Variants in FRS2 observed in about 807,000 individuals in gnomAD.
The protein encoded by FRS2 is FGFR signalling adaptor.
Under a neutral mutation model 43.9 loss-of-function variants are expected in FRS2, and 8 were observed. The observed-to-expected ratio is 0.18, with a 90% CI of 0.11 to 0.33. The LOEUF is 0.33. Ranked by LOEUF, FRS2 falls within the 10% of genes least tolerant of loss-of-function variation. The probability of loss-of-function intolerance (pLI) is 1.00; values close to 1 mark genes in which losing one functional copy is unlikely to be tolerated. For synonymous variants in FRS2, 219 were observed against 220.3 expected (o/e 0.99, Z 0.05); for missense variants, 534 against 627.6 (o/e 0.85, Z 1.59).
rs535329166 is a variant in FRS2 at position 69,552,158 on chromosome 12, C to T, written c.-121-10022C>T. ...TCTCTACTAAAAATACAAAATTATC[C>T]GGGCATGGTGGTGCATGCCTGTAAT... On this transcript the variant is annotated intron_variant, in intron 3 of 8. Transcript: ENST00000549921. Among the ~76,000 whole-genome samples, 4 of 151,754 alleles carry T rather than the reference C, an allele frequency of 2.6e-5. 1 individual carries two copies. The highest frequency in any genetic ancestry group is 7.3e-5 in the African/African-American group (3 of 41,360).
intron 1 of FRS2, among the ~76,000 whole-genome samples, chr12:69,497,224 G>A (rs150178922): frequency 6.6e-6 from 1 of 152,220 alleles, no homozygotes; most frequent in African/African-American, 2.4e-5. Flanking sequence ...GGTAATAAGC[G>A]CTATGAAGAA....
chr12:69,548,629 T>TTA (rs1827020141), intron 3 of FRS2, among the ~76,000 whole-genome samples: 1 of 152,186 alleles, frequency 6.6e-6, no homozygotes, highest in Non-Finnish European at 1.5e-5. Flanking sequence ...GCTGCTTAAA[T>TTA]CAGGGTTCTG....
At chr12:69,528,919 G>A (rs899311475) in intron 1 of FRS2, among the ~76,000 whole-genome samples, 1 of 152,156 alleles carries the variant, frequency 6.6e-6, no homozygotes, top group South Asian at 2.1e-4. Context: ...GAAGTGAGAA[G>A]GTGCTTGATA....
At chr12:69,564,759 A>G (rs1378171928) in intron 4 of FRS2, among the ~76,000 whole-genome samples, 1 of 152,218 alleles carries the variant, frequency 6.6e-6, no homozygotes, top group Admixed American at 6.6e-5. Context: ...ACTTAAATTT[A>G]TCATACATAT....
At chr12:69,569,197 T>C (rs1386510785) in intron 5 of FRS2, 101 bp downstream of exon 5, 3 of 635,010 alleles carry the variant, frequency 4.7e-6, no homozygotes, top group Non-Finnish European at 8.4e-6. Flanking sequence ...CACCAAACCT[T>C]TCTATTTCCC....
intron 3 of FRS2, among the ~76,000 whole-genome samples, chr12:69,532,629 TA>T (rs1876917257): frequency 1.3e-5 from 2 of 152,232 alleles, no homozygotes; most frequent in Non-Finnish European, 2.9e-5. Flanking sequence ...TCCCGTCTCT[TA>T]ATACTATCAC....
intron 1 of FRS2, among the ~76,000 whole-genome samples, chr12:69,476,959 T>G (rs566498816): frequency 6.6e-6 from 1 of 152,332 alleles, no homozygotes; most frequent in South Asian, 2.1e-4. Context: ...TCTGTTAATT[T>G]TAAAGAAAAC....
intron 1 of FRS2, among the ~76,000 whole-genome samples, chr12:69,521,647 G>C (rs887350263): frequency 6.6e-6 from 1 of 151,810 alleles, no homozygotes; most frequent in African/African-American, 2.4e-5. Context: ...ATGGAGTCTC[G>C]CTCTTTCACC....
intron 3 of FRS2, among the ~76,000 whole-genome samples, chr12:69,539,578 G>T (rs1877677033): frequency 6.6e-6 from 1 of 152,084 alleles, no homozygotes; most frequent in African/African-American, 2.4e-5. Flanking sequence ...GTGGTGTCAT[G>T]TTGGTGCTCA....
chr12:69,475,269 T>C (rs1306969291), intron 1 of FRS2, among the ~76,000 whole-genome samples: 2 of 152,254 alleles, frequency 1.3e-5, no homozygotes, highest in African/African-American at 4.8e-5. Context: ...TGAGAATTAA[T>C]ACATTCCTTT....
At chr12:69,570,993 C>G (rs1880706832) in intron 6 of FRS2, among the ~76,000 whole-genome samples, 1 of 152,180 alleles carries the variant, frequency 6.6e-6, no homozygotes, top group South Asian at 2.1e-4. Flanking sequence ...GTTGGGCTCC[C>G]CCTGCTGTTA....
At chr12:69,521,315 G>GT (rs1487688477) in intron 1 of FRS2, among the ~76,000 whole-genome samples, 1 of 152,168 alleles carries the variant, frequency 6.6e-6, no homozygotes, top group Non-Finnish European at 1.5e-5. Context: ...AGACTGTAGA[G>GT]TTTTCTAGAT....
At chr12:69,508,121 T>C (rs1400676160) in intron 1 of FRS2, among the ~76,000 whole-genome samples, 1 of 152,164 alleles carries the variant, frequency 6.6e-6, no homozygotes, top group African/African-American at 2.4e-5. Context: ...TTTGCATATT[T>C]ATTCCTGTGT....
At chr12:69,557,632 G>T (rs12321298) in intron 3 of FRS2, among the ~76,000 whole-genome samples, 3 of 147,658 alleles carry the variant, frequency 2.0e-5, no homozygotes, top group African/African-American at 7.7e-5. Context: ...GCGCGCGCGC[G>T]CGCGCAGGTG....
intron 1 of FRS2, among the ~76,000 whole-genome samples, chr12:69,474,520 G>A (rs967196881): frequency 6.6e-6 from 1 of 152,198 alleles, no homozygotes; most frequent in African/African-American, 2.4e-5. Context: ...GAATTTGATA[G>A]TATGTCCACT....
intron 6 of FRS2, among the ~76,000 whole-genome samples, chr12:69,570,853 CT>C (rs1400540283): frequency 6.6e-6 from 1 of 152,108 alleles, no homozygotes; most frequent in Non-Finnish European, 1.5e-5. Context: ...TAAATTTCTT[CT>C]CTATAAAAGG....
chr12:69,556,283 T>C (rs1196515907), intron 3 of FRS2, among the ~76,000 whole-genome samples: 3 of 152,224 alleles, frequency 2.0e-5, no homozygotes, highest in African/African-American at 7.2e-5. Context: ...ATTGTGCTTA[T>C]ACATTTCTAT....
intron 5 of FRS2, among the ~76,000 whole-genome samples, chr12:69,569,309 G>A (rs932625509): frequency 1.3e-5 from 2 of 151,858 alleles, no homozygotes; most frequent in Admixed American, 1.3e-4. Context: ...TATCTAATTA[G>A]CCATACCGTT....
At chr12:69,528,786 C>A (rs184586596) in intron 1 of FRS2, among the ~76,000 whole-genome samples, 1 of 152,118 alleles carries the variant, frequency 6.6e-6, no homozygotes, top group East Asian at 1.9e-4. Context: ...GCTCAGGACA[C>A]TAGGGCAGAT....
Sources: allele counts gnomAD v4.1 joint callset (sites outside exome capture counted in the v4.1 genomes callset), GRCh38; gene constraint gnomAD v4.1.1; transcripts MANE v1.5; gene names NCBI Gene and HGNC (gene_info 2026-07-23, HGNC 2026-07-21).